The following CCDC171 variants were observed in gnomAD, a reference collection of about 807,000 sequenced individuals.
CCDC171 encodes coiled-coil domain containing 171.
A neutral mutation model predicts 168.2 loss-of-function variants in CCDC171; 177 were observed. That is an observed-to-expected ratio of 1.05 (90% CI 0.93 to 1.19). CCDC171 has a LOEUF of 1.19. Ranked by LOEUF, CCDC171 falls within the 50% of genes most tolerant of loss-of-function variation. The pLI is 0.00. For missense variants in CCDC171, 1,991 were observed against 1,539.0 expected, an observed-to-expected ratio of 1.29 and a Z score of -4.91; for synonymous variants, 687 against 540.8, an observed-to-expected ratio of 1.27 and a Z score of -3.75.
the CCDC171 span, among the ~76,000 whole-genome samples, chr9:16,106,663 G>A: frequency 4.6e-5 from 7 of 152,150 alleles, no homozygotes; most frequent in Non-Finnish European, 7.4e-5. Context: ...CAGATCTTCC[G>A]CCTAACAAGG....
At chr9:15,841,291 G>C (rs1369070629) in intron 21 of CCDC171, among the ~76,000 whole-genome samples, 1 of 152,016 alleles carries the variant, frequency 6.6e-6, no homozygotes, top group Non-Finnish European at 1.5e-5. Flanking sequence ...AAATGAGGCA[G>C]AAATAATATA....
intron 4 of CCDC171, among the ~76,000 whole-genome samples, chr9:15,583,969 G>C (rs1488927050): frequency 2.0e-5 from 3 of 152,136 alleles, no homozygotes; most frequent in Non-Finnish European, 4.4e-5. Flanking sequence ...CCGGGTTCAA[G>C]CAATTCTCTG....
intron 9 of CCDC171, among the ~76,000 whole-genome samples, chr9:15,673,571 C>T (rs1332694579): frequency 6.6e-6 from 1 of 152,032 alleles, no homozygotes; most frequent in Non-Finnish European, 1.5e-5. Flanking sequence ...CTATTGAGTT[C>T]TGTCAAAGGC....
chr9:15,586,244 T>C (rs1390590792), intron 4 of CCDC171, among the ~76,000 whole-genome samples: 2 of 152,166 alleles, frequency 1.3e-5, no homozygotes, highest in Non-Finnish European at 2.9e-5. Context: ...ATGTTAACAA[T>C]CCTAGAGTCC....
chr9:15,608,393 A>G (rs1238858071), intron 6 of CCDC171, among the ~76,000 whole-genome samples: 1 of 152,198 alleles, frequency 6.6e-6, no homozygotes, highest in Non-Finnish European at 1.5e-5. Flanking sequence ...TGCGTATAAA[A>G]TATGTGCCAA....
intron 21 of CCDC171, among the ~76,000 whole-genome samples, chr9:15,838,372 A>T (rs1451297325): frequency 6.6e-6 from 1 of 152,200 alleles, no homozygotes; most frequent in Admixed American, 6.5e-5. Flanking sequence ...TATAGCCAGA[A>T]TGACCTCTTG....
chr9:16,038,915 A>T (rs938677266), upstream of CCDC171, among the ~76,000 whole-genome samples: 76 of 151,938 alleles, frequency 5.0e-4, 2 homozygotes, highest in Non-Finnish European at 1.8e-4. Context: ...TGCCAGACTA[A>T]AGGGCGAAAT....
chr9:15,797,733 T>C (rs2058630782), intron 21 of CCDC171, among the ~76,000 whole-genome samples: 2 of 152,166 alleles, frequency 1.3e-5, no homozygotes, highest in Admixed American at 1.3e-4. Flanking sequence ...TGATCCTTTT[T>C]ATATTTCATC....
At chr9:15,823,498 C>G (rs1472190913) in intron 21 of CCDC171, among the ~76,000 whole-genome samples, 2 of 152,026 alleles carry the variant, frequency 1.3e-5, no homozygotes, top group South Asian at 2.1e-4. Context: ...GCACATATAC[C>G]TTGGCTAGGC....
At chr9:15,916,639 A>G (rs1824559213) in intron 24 of CCDC171, among the ~76,000 whole-genome samples, 1 of 152,072 alleles carries the variant, frequency 6.6e-6, no homozygotes, top group Admixed American at 6.6e-5. Flanking sequence ...ACTTAATAAT[A>G]TGTACATAAC....
chr9:15,880,730 C>G (rs1285872967), intron 24 of CCDC171, among the ~76,000 whole-genome samples: 2 of 151,714 alleles, frequency 1.3e-5, no homozygotes, highest in African/African-American at 4.8e-5. Flanking sequence ...CCCGCCTCAG[C>G]CTCCCAAAGT....
At chr9:15,767,228 C>T (rs1036459212) in intron 18 of CCDC171, among the ~76,000 whole-genome samples, 1 of 152,112 alleles carries the variant, frequency 6.6e-6, no homozygotes, top group Non-Finnish European at 1.5e-5. Flanking sequence ...CTTATTGGGC[C>T]AAAATCAAGG....
At chr9:15,580,611 C>G (rs1427710849) in intron 4 of CCDC171, among the ~76,000 whole-genome samples, 2 of 151,650 alleles carry the variant, frequency 1.3e-5, no homozygotes, top group Non-Finnish European at 2.9e-5. Context: ...TACAAATGGC[C>G]AAAAAACATA....
Position 15,819,364 on chromosome 9 carries a change from G to C in CCDC171, c.3268-27338G>C, listed in dbSNP as rs2136073914. On this transcript the variant is annotated intron_variant, in intron 21 of 25. Transcript: ENST00000380701. ...AACAATATTAACCTTAAATGTAAAT[G>C]GGCTAAATGCTCCAATTAAAAGACA... is the stretch of plus-strand genomic sequence containing the variant. Among the ~76,000 whole-genome samples the C allele has an allele frequency of 2.6e-5, 3 of 117,316 alleles. 1 individual carries two copies. The highest frequency in any genetic ancestry group is 5.7e-5 in the Non-Finnish European group (3 of 52,334). The allele number at this position is 117,316 out of a possible 152,430, so 77.0% of individuals were successfully genotyped here.
chr9:15,749,254 T>C (rs2055540728), intron 18 of CCDC171, among the ~76,000 whole-genome samples: 1 of 152,074 alleles, frequency 6.6e-6, no homozygotes, highest in Non-Finnish European at 1.5e-5. Flanking sequence ...AAGGGATCAA[T>C]TCAACAAGAA....
chr9:15,699,013 C>T (rs1397813810), intron 11 of CCDC171, among the ~76,000 whole-genome samples: 1 of 152,162 alleles, frequency 6.6e-6, no homozygotes, highest in African/African-American at 2.4e-5. Context: ...ATTGCTGGAT[C>T]ATATTGTGTC....
chr9:15,592,926 G>C (rs900056715), intron 5 of CCDC171, among the ~76,000 whole-genome samples: 1 of 151,842 alleles, frequency 6.6e-6, no homozygotes, highest in East Asian at 1.9e-4. Context: ...ACAATGTGCA[G>C]GTTAGTTACA....
At chr9:16,016,688 C>G (rs549236409) in intron 3 of CCDC171, among the ~76,000 whole-genome samples, 1 of 152,104 alleles carries the variant, frequency 6.6e-6, no homozygotes, top group Non-Finnish European at 1.5e-5. Context: ...TTCCCTAATA[C>G]GAAAAACAGG....
intron 21 of CCDC171, 120 bp from the exon 22 acceptor site, chr9:15,846,582 T>C: frequency 1.1e-6 from 1 of 925,924 alleles, no homozygotes; most frequent in South Asian, 2.3e-5. Context: ...AACTTTGATG[T>C]GTAATGACCC....
Sources: gnomAD v4.1 joint callset for allele counts (sites outside exome capture counted in the v4.1 genomes callset) on GRCh38, gnomAD v4.1.1 for gene constraint, MANE v1.5 for transcripts, NCBI Gene and HGNC (gene_info 2026-07-23, HGNC 2026-07-21) for gene names.